SUGCT: variants seen among roughly 807,000 people sequenced by gnomAD.
SUGCT encodes the protein succinyl-CoA:glutarate CoA-transferase.
SUGCT carries 41 observed loss-of-function variants against 55.0 expected under a neutral mutation model. That is an observed-to-expected ratio of 0.74 (90% CI 0.58 to 0.97). The LOEUF (loss-of-function observed/expected upper bound fraction) is 0.97, where lower values mean the gene tolerates loss of function less well. Among genes scored for constraint, SUGCT ranks in the 50% least tolerant of loss-of-function variants. The pLI is 0.00. For missense variants in SUGCT, 568 were observed against 547.8 expected, an observed-to-expected ratio of 1.04 and a Z score of -0.37; for synonymous variants, 187 against 200.4, an observed-to-expected ratio of 0.93 and a Z score of 0.56.
At chr7:40,848,855 C>T (rs1793713341) in intron 13 of SUGCT, among the ~76,000 whole-genome samples, 2 of 152,122 alleles carry the variant, frequency 1.3e-5, no homozygotes, top group Admixed American at 1.3e-4. Context: ...ATAGCTTTCT[C>T]TGTTTTTATA....
chr7:40,205,640 CAAAA>C (rs67396482), intron 6 of SUGCT, among the ~76,000 whole-genome samples: 1 of 77,462 alleles, frequency 1.3e-5, no homozygotes, highest in Non-Finnish European at 2.5e-5. Context: ...AACTTCATCT[CAAAA>C]AAAAAAAAAA....
intron 1 of SUGCT, among the ~76,000 whole-genome samples, chr7:40,139,736 G>T (rs983085572): frequency 6.6e-6 from 1 of 151,998 alleles, no homozygotes; most frequent in African/African-American, 2.4e-5. Context: ...TTAGTTTAAT[G>T]AAGTTCCATT....
intron 6 of SUGCT, among the ~76,000 whole-genome samples, chr7:40,203,961 G>T (rs1470725702): frequency 2.0e-5 from 3 of 151,806 alleles, no homozygotes; most frequent in Non-Finnish European, 4.4e-5. Flanking sequence ...TTGTTACTGG[G>T]TATAAGAAAC....
intron 7 of SUGCT, among the ~76,000 whole-genome samples, chr7:40,259,970 G>C (rs918418896): frequency 6.6e-6 from 1 of 152,160 alleles, no homozygotes; most frequent in East Asian, 1.9e-4. Flanking sequence ...TTCATCTGGA[G>C]ATAGTAAAAC....
At chr7:40,191,306 C>T (rs1018401144) in intron 5 of SUGCT, among the ~76,000 whole-genome samples, 4 of 152,254 alleles carry the variant, frequency 2.6e-5, no homozygotes, top group African/African-American at 7.2e-5. Context: ...CGTGAGCTAC[C>T]GCGCCTGGCC....
At chr7:40,926,038 A>T in the SUGCT span, among the ~76,000 whole-genome samples, 6 of 151,990 alleles carry the variant, frequency 3.9e-5, no homozygotes, top group African/African-American at 1.4e-4. Context: ...GGTTGCAGTG[A>T]ACTATGATCC....
chr7:40,866,286 A>G, the SUGCT span, among the ~76,000 whole-genome samples: 1 of 152,120 alleles, frequency 6.6e-6, no homozygotes, highest in Admixed American at 6.6e-5. Context: ...CGCATAACAC[A>G]CATTCACCCT....
chr7:40,946,124 T>G, the SUGCT span, among the ~76,000 whole-genome samples: 2 of 149,498 alleles, frequency 1.3e-5, no homozygotes, highest in Non-Finnish European at 3.0e-5. Context: ...TTTTTTTTCA[T>G]GGCACTCTGT....
chr7:40,899,860 G>C, the SUGCT span, among the ~76,000 whole-genome samples: 17 of 152,256 alleles, frequency 1.1e-4, no homozygotes, highest in East Asian at 1.7e-3. Flanking sequence ...CTTCCCGAGC[G>C]TATGGCCATG....
At chr7:40,773,532 T>C (rs1195473007) in intron 13 of SUGCT, among the ~76,000 whole-genome samples, 1 of 152,202 alleles carries the variant, frequency 6.6e-6, no homozygotes, top group Non-Finnish European at 1.5e-5. Flanking sequence ...AAAAACAACA[T>C]CAGCATAGTG....
the SUGCT span, among the ~76,000 whole-genome samples, chr7:40,953,977 G>A: frequency 6.6e-6 from 1 of 152,216 alleles, no homozygotes; most frequent in Non-Finnish European, 1.5e-5. Flanking sequence ...TCTCTTCAAA[G>A]CTGTCAGACA....
At chr7:40,157,086 C>A (rs916962083) in intron 1 of SUGCT, among the ~76,000 whole-genome samples, 2 of 151,100 alleles carry the variant, frequency 1.3e-5, no homozygotes, top group Admixed American at 1.3e-4. Flanking sequence ...AAAAGTAGAA[C>A]CTGGGTTAAA....
the SUGCT span, among the ~76,000 whole-genome samples, chr7:40,953,030 A>T: frequency 5.3e-5 from 8 of 152,184 alleles, no homozygotes; most frequent in African/African-American, 1.9e-4. Flanking sequence ...TTCTCTGGAT[A>T]ATATCCTGAA....
At chr7:40,672,689 C>T (rs1301144830) in intron 12 of SUGCT, among the ~76,000 whole-genome samples, 1 of 152,084 alleles carries the variant, frequency 6.6e-6, no homozygotes. Flanking sequence ...TGAGACTGAA[C>T]AATAGTTTTA....
Position 40,265,998 on chromosome 7 carries a change from A to G in SUGCT, c.577-8515A>G, listed in dbSNP as rs114160033. 6.0e-3 allele frequency among the ~76,000 whole-genome samples: 912 copies of G among 152,156 alleles called. 9 individuals are homozygous for G. Among genetic ancestry groups the G allele is most frequent in the African/African-American group, 0.021 (863 of 41,516 alleles). ...ACACAAACAAAAAACAAAAACCTTC[A>G]CAGGTAGTGGTGTGGTTTTTCCCCT... On this transcript the variant is annotated intron_variant, in intron 7 of 13. Transcript: ENST00000335693.
At chr7:40,929,752 A>T in the SUGCT span, among the ~76,000 whole-genome samples, 1 of 151,972 alleles carries the variant, frequency 6.6e-6, no homozygotes, top group Non-Finnish European at 1.5e-5. Flanking sequence ...TCCTTCACCC[A>T]CTTTTTGATG....
the SUGCT span, among the ~76,000 whole-genome samples, chr7:40,913,175 T>A: frequency 6.6e-6 from 1 of 152,108 alleles, no homozygotes; most frequent in African/African-American, 2.4e-5. Context: ...CACGCCCAGC[T>A]AATTTTTTGT....
chr7:40,459,261 T>A, intron 11 of SUGCT, 63 bp downstream of exon 11: 7 of 1,062,292 alleles, frequency 6.6e-6, no homozygotes, highest in Non-Finnish European at 9.6e-6. Context: ...TTATCTGGTG[T>A]TTTATATGTT....
chr7:40,586,387 A>G (rs573865326), intron 12 of SUGCT, among the ~76,000 whole-genome samples: 1 of 152,302 alleles, frequency 6.6e-6, no homozygotes, highest in South Asian at 2.1e-4. Context: ...ATTTAAATGT[A>G]TAAAGCCACA....
Sources: allele counts gnomAD v4.1 joint callset (sites outside exome capture counted in the v4.1 genomes callset), GRCh38; gene constraint gnomAD v4.1.1; transcripts MANE v1.5; gene names NCBI Gene and HGNC (gene_info 2026-07-23, HGNC 2026-07-21).